The following TIMM17B variants were observed in gnomAD, a reference collection of about 807,000 sequenced individuals.
TIMM17B encodes the protein translocase of inner mitochondrial membrane 17B, also known as mitochondrial import inner membrane translocase subunit Tim17-B.
A neutral mutation model predicts 15.9 loss-of-function variants in TIMM17B; 10 were observed. That is an observed-to-expected ratio of 0.63 (90% CI 0.39 to 1.06). The LOEUF (loss-of-function observed/expected upper bound fraction) is 1.06, where lower values mean the gene tolerates loss of function less well. Ranked by LOEUF, TIMM17B falls within the 50% of genes least tolerant of loss-of-function variation. The pLI is 0.01. For synonymous variants in TIMM17B, 57 were observed against 57.2 expected, an observed-to-expected ratio of 1.00 and a Z score of 0.02; for missense variants, 114 against 152.2, an observed-to-expected ratio of 0.75 and a Z score of 1.32.
Position 48,893,832 on chromosome X carries a change from CTT to C in TIMM17B, c.431-17_431-16del, listed in dbSNP as rs782008372. The C allele has an allele frequency of 4.3e-3, 5,063 of 1,183,298 alleles. 13 individuals are homozygous for C. Among genetic ancestry groups the C allele is most frequent in the Non-Finnish European group, 5.3e-3 (4,643 of 878,014 alleles). On this transcript the variant is annotated splice_polypyrimidine_tract_variant and intron_variant, in intron 6 of 6. Coordinates refer to ENST00000376582, the Ensembl canonical transcript of TIMM17B. Reference sequence around the variant, plus strand: ...GAATGGGGGCGCTGGAGAAGGGAGACTTGGGTAAGGATGAGTGGAAGAGGCCA... The same window carrying C: ...GAATGGGGGCGCTGGAGAAGGGAGACGGGTAAGGATGAGTGGAAGAGGCCA...
At chrX:48,897,014 C>G in intron 2 of TIMM17B, 156 bp from the exon 2 acceptor site, 1 of 1,059,459 alleles carries the variant, frequency 9.4e-7, no homozygotes, top group Non-Finnish European at 1.2e-6. Context: ...TTCTGTCACG[C>G]TTTTTCCACA....
chrX:48,894,256 T>C (rs1557039169), intron 4 of TIMM17B, 31 bp from the exon 4 acceptor site: 1 of 1,198,197 alleles, frequency 8.3e-7, no homozygotes, highest in Non-Finnish European at 1.1e-6. Flanking sequence ...AATTAGTTCC[T>C]GGGAAATCCT....
chrX:48,894,213 ACTGCGAAG>A lies in TIMM17B; in HGVS notation c.195_202del (p.Phe66ValfsTer59). On this transcript the variant is annotated frameshift_variant, in exon 5 of 7. Coordinates refer to ENST00000376582, the Ensembl canonical transcript of TIMM17B. LOFTEE classifies it high-confidence loss of function. ...GATGGTGGAGAACAGGCCCCCCCAC[ACTGCGAAG>A]CTACCTGTAGTGGAACCGAGGCCTA... 8.3e-7 allele frequency: 1 copy of A among 1,208,829 alleles called. No individual in the cohort carries two copies. The highest frequency in any genetic ancestry group is 1.1e-6 in the Non-Finnish European group (1 of 893,793).
exon 4 of TIMM17B, chrX:48,895,069 A>G (rs782263372): frequency 2.5e-6 from 3 of 1,200,623 alleles, no homozygotes; most frequent in African/African-American, 3.5e-5. Flanking sequence ...TCCTCACAGC[A>G]TTGGCACTAC....
chrX:48,897,726 GGGC>G (rs2063328897), exon 2 of TIMM17B: 1 of 1,206,641 alleles, frequency 8.3e-7, no homozygotes, highest in African/African-American at 1.7e-5. Context: ...TGCCGTACCA[GGGC>G]TCCCGAGCGT....
At chrX:48,897,158 G>A (rs375141690) in intron 2 of TIMM17B, 34 of 395,971 alleles carry the variant, frequency 8.6e-5, no homozygotes, top group East Asian at 5.8e-4. Flanking sequence ...CAGAGTTGAC[G>A]TTTCAATAAG....
exon 1 of TIMM17B, chrX:48,898,117 G>C (rs1460876963): frequency 3.0e-6 from 3 of 1,016,005 alleles, no homozygotes; most frequent in Non-Finnish European, 3.8e-6. Flanking sequence ...TTTGGAGCTG[G>C]AGGAAGTGCT....
At chrX:48,894,303 T>TTCAG in intron 4 of TIMM17B, 78 bp from the exon 4 acceptor site, 1 of 1,075,412 alleles carries the variant, frequency 9.3e-7, no homozygotes, top group African/African-American at 1.8e-5. Context: ...AAGGCCTGAA[T>TTCAG]GCTTTGGCCA....
intron 3 of TIMM17B, chrX:48,895,643 G>A: frequency 4.6e-6 from 2 of 435,014 alleles, no homozygotes; most frequent in East Asian, 3.7e-5. Flanking sequence ...AGGAGTCTAG[G>A]GGAGGGACGG....
chrX:48,894,076 C>A (rs781969229), intron 5 of TIMM17B, 21 bp downstream of exon 4: 1 of 1,195,671 alleles, frequency 8.4e-7, no homozygotes, highest in Non-Finnish European at 1.1e-6. Context: ...GGGGCTGGGG[C>A]CAGGGCCAGG....
exon 2 of TIMM17B, chrX:48,897,746 C>T: frequency 1.7e-6 from 2 of 1,210,133 alleles, no homozygotes; most frequent in Non-Finnish European, 2.2e-6. Context: ...GCGTACTCCT[C>T]CATGGCGCTG....
chrX:48,893,672 G>T, exon 7 of TIMM17B: 1 of 975,675 alleles, frequency 1.0e-6, no homozygotes, highest in East Asian at 3.2e-5. Flanking sequence ...CCCTCCCTTC[G>T]AGGTAGACCA....
At chrX:48,895,828 C>T (rs1316794550) in intron 3 of TIMM17B, 4 of 197,746 alleles carry the variant, frequency 2.0e-5, no homozygotes, top group East Asian at 9.6e-5. Context: ...TTCCTCTATC[C>T]GGGTTTCTGA....
At chrX:48,897,765 C>G in exon 2 of TIMM17B, 1 of 1,209,017 alleles carries the variant, frequency 8.3e-7, no homozygotes, top group Non-Finnish European at 1.1e-6. Context: ...TGGCGTCTGG[C>G]CGCGCAGTCA....
At chrX:48,897,836 C>T in intron 1 of TIMM17B, 68 bp from the exon 1 acceptor site, 2 of 1,150,225 alleles carry the variant, frequency 1.7e-6, no homozygotes, top group South Asian at 1.9e-5. Context: ...TACCGGGCAG[C>T]GATTGGGTCG....
exon 2 of TIMM17B, chrX:48,897,766 C>A: frequency 4.1e-6 from 5 of 1,207,784 alleles, no homozygotes; most frequent in South Asian, 1.8e-5. Flanking sequence ...GGCGTCTGGC[C>A]GCGCAGTCAG....
chrX:48,893,627 C>G, exon 7 of TIMM17B: 3 of 738,769 alleles, frequency 4.1e-6, no homozygotes, highest in Non-Finnish European at 5.8e-6. Context: ...AGTAGAAACC[C>G]TCTCTGGAGG....
chrX:48,897,953 T>G (rs1477879137), intron 1 of TIMM17B, 185 bp from the exon 1 acceptor site: 2 of 877,872 alleles, frequency 2.3e-6, no homozygotes, highest in Non-Finnish European at 3.1e-6. Context: ...GCTCGGGGAG[T>G]GAAGGCCTCG....
At chrX:48,898,142 C>T in exon 1 of TIMM17B, 2 of 1,022,778 alleles carry the variant, frequency 2.0e-6, no homozygotes, top group South Asian at 2.4e-5. Flanking sequence ...TCTGCTCCCC[C>T]ATCCCAGCGC....
Sources: allele counts gnomAD v4.1 joint callset, GRCh38; gene constraint gnomAD v4.1.1; transcripts MANE v1.5; gene names NCBI Gene and HGNC (gene_info 2026-07-23, HGNC 2026-07-21).